ALDH18A1: variants seen among roughly 807,000 people sequenced by gnomAD.
The protein encoded by ALDH18A1 is aldehyde dehydrogenase 18 family member A1.
A neutral mutation model predicts 88.8 loss-of-function variants in ALDH18A1; 44 were observed. The ratio of observed to expected loss-of-function variants is 0.50; its 90% CI spans 0.39 to 0.64. The LOEUF (loss-of-function observed/expected upper bound fraction) is 0.64, where lower values mean the gene tolerates loss of function less well. Ranked by LOEUF, ALDH18A1 falls within the 30% of genes least tolerant of loss-of-function variation. The pLI is 0.00. For synonymous variants in ALDH18A1, 331 were observed against 372.1 expected (o/e 0.89, Z 1.27); for missense variants, 782 against 1,009.5 (o/e 0.77, Z 3.05).
chr10:95,651,340 A>G (rs760875668), intron 2 of ALDH18A1, among the ~76,000 whole-genome samples: 3 of 152,224 alleles, frequency 2.0e-5, no homozygotes, highest in African/African-American at 4.8e-5. Context: ...GATGCAGAGA[A>G]AGTGCATCAC....
intron 17 of ALDH18A1, among the ~76,000 whole-genome samples, chr10:95,609,753 C>A (rs2097829609): frequency 6.8e-6 from 1 of 146,732 alleles, no homozygotes; most frequent in Non-Finnish European, 1.5e-5. Flanking sequence ...TCCTACCTTG[C>A]CAGAAGTCTG....
chr10:95,638,764 T>G (rs2097885853), intron 3 of ALDH18A1, among the ~76,000 whole-genome samples: 1 of 152,174 alleles, frequency 6.6e-6, no homozygotes, highest in Non-Finnish European at 1.5e-5. Context: ...AGACTCAAGA[T>G]GTAATAAAGT....
intron 3 of ALDH18A1, 70 bp from the exon 4 acceptor site, chr10:95,637,506 GA>G (rs2097883131): frequency 8.9e-6 from 14 of 1,566,126 alleles, no homozygotes; most frequent in Non-Finnish European, 9.6e-6. Context: ...ACAAGGGATG[GA>G]GGTAGGGTGG....
At chr10:95,607,853 C>T (rs1377492023) in intron 17 of ALDH18A1, among the ~76,000 whole-genome samples, 2 of 152,060 alleles carry the variant, frequency 1.3e-5, no homozygotes, top group East Asian at 3.9e-4. Flanking sequence ...GACAGAGGTG[C>T]TGCAGGCAGA....
At chr10:95,617,641 A>T (rs1383818759) in intron 12 of ALDH18A1, among the ~76,000 whole-genome samples, 2 of 152,226 alleles carry the variant, frequency 1.3e-5, no homozygotes, top group Non-Finnish European at 2.9e-5. Flanking sequence ...AAGTTAAGTA[A>T]ACTTTCTCCA....
At chr10:95,607,752 C>T (rs1004924476) in intron 17 of ALDH18A1, among the ~76,000 whole-genome samples, 3 of 152,074 alleles carry the variant, frequency 2.0e-5, no homozygotes, top group Admixed American at 1.3e-4. Flanking sequence ...GCTGGGGACA[C>T]GCTGGGTAGG....
chr10:95,614,246 A>G, intron 13 of ALDH18A1, 85 bp from the exon 14 acceptor site: 1 of 1,367,812 alleles, frequency 7.3e-7, no homozygotes, highest in South Asian at 1.2e-5. Context: ...ACAGATAAAC[A>G]TCTGTACACT....
At position 95,645,387 on chromosome 10, in the gene ALDH18A1, C is replaced by T. The variant is rs149677753; in HGVS notation, c.89-2181G>A. Among the ~76,000 whole-genome samples, 487 of 152,278 alleles carry T rather than the reference C, an allele frequency of 3.2e-3. 3 individuals are homozygous for T. The highest frequency in any genetic ancestry group is 0.011 in the African/African-American group (440 of 41,552). The stretch of plus-strand genomic sequence containing the variant: ...CTTCACTTGAACCACTATCACTTCC[C>T]TTTATATTGTCTGTCTATAAATTAC... On this transcript the variant is annotated intron_variant, in intron 2 of 17. Coordinates refer to ENST00000371224, the MANE Select transcript of ALDH18A1 (RefSeq NM_002860.4).
At chr10:95,647,802 A>G (rs2097903629) in intron 2 of ALDH18A1, among the ~76,000 whole-genome samples, 1 of 152,218 alleles carries the variant, frequency 6.6e-6, no homozygotes, top group Non-Finnish European at 1.5e-5. Flanking sequence ...CCCATGCTTC[A>G]ATCATGCCTA....
In ALDH18A1 at chr10:95,628,491, G is replaced by C. The variant is rs1317039662; in HGVS notation, c.810C>G (p.Gly270=). 1.2e-6 allele frequency: 2 copies of C among 1,612,886 alleles called. No individual in the cohort carries two copies. The highest frequency in any genetic ancestry group is 4.5e-5 in the East Asian group (2 of 44,874). Residue 270 remains glycine, a splice_region_variant and synonymous_variant, in exon 8 of 18, where the codon GGC becomes GGG. Transcript: ENST00000371224. ...DLLIVLSDVE[G]LFDSPPGSDD... ...CTGAACCTGGGGGGCTGTCAAAAAGGCCTAAAAAATAGACAAGAGTCAGTA... is the reference window on the plus strand; with the variant it reads ...CTGAACCTGGGGGGCTGTCAAAAAGCCCTAAAAAATAGACAAGAGTCAGTA...
intron 5 of ALDH18A1, among the ~76,000 whole-genome samples, chr10:95,634,361 C>G (rs943173842): frequency 6.6e-6 from 1 of 152,210 alleles, no homozygotes; most frequent in African/African-American, 2.4e-5. Context: ...ACCTCAGCCT[C>G]CTGAGTAACT....
chr10:95,625,260 A>C, intron 11 of ALDH18A1, 102 bp downstream of exon 11: 2 of 999,918 alleles, frequency 2.0e-6, no homozygotes, highest in South Asian at 2.6e-5. Flanking sequence ...TCTTTTATAA[A>C]AATCCTTATC....
intron 5 of ALDH18A1, among the ~76,000 whole-genome samples, chr10:95,636,488 G>A (rs1933164): frequency 0.13 from 20,035 of 152,108 alleles, 1,928 homozygotes; most frequent in East Asian, 0.49. Flanking sequence ...AACATTTAGG[G>A]GTAGCCACCA....
intron 13 of ALDH18A1, 146 bp downstream of exon 13, chr10:95,616,331 A>G (rs1191311381): frequency 2.6e-6 from 3 of 1,164,130 alleles, no homozygotes; most frequent in South Asian, 1.4e-5. Flanking sequence ...AGAATGGCCT[A>G]AAGTCTGAAG....
chr10:95,617,106 G>A (rs562945754), intron 12 of ALDH18A1, among the ~76,000 whole-genome samples: 39 of 152,288 alleles, frequency 2.6e-4, no homozygotes, highest in Non-Finnish European at 4.9e-4. Flanking sequence ...AATTAGCCGG[G>A]CATGGTGGCA....
chr10:95,652,660 G>A (rs1474247136), intron 2 of ALDH18A1, among the ~76,000 whole-genome samples: 1 of 151,638 alleles, frequency 6.6e-6, no homozygotes, highest in East Asian at 2.0e-4. Flanking sequence ...GCTTGAACCT[G>A]GGAAGCAGAG....
intron 8 of ALDH18A1, 86 bp from the exon 9 acceptor site, chr10:95,627,672 G>C: frequency 6.6e-7 from 1 of 1,509,058 alleles, no homozygotes; most frequent in Non-Finnish European, 9.2e-7. Flanking sequence ...TAAAATACAA[G>C]TTGATATTGA....
chr10:95,652,609 C>A (rs2097912058), intron 2 of ALDH18A1, among the ~76,000 whole-genome samples: 1 of 152,036 alleles, frequency 6.6e-6, no homozygotes, highest in Non-Finnish European at 1.5e-5. Flanking sequence ...GTGATGCACA[C>A]CTGTAATCCC....
intron 9 of ALDH18A1, 31 bp downstream of exon 9, chr10:95,627,411 A>G: frequency 6.2e-7 from 1 of 1,613,666 alleles, no homozygotes; most frequent in Non-Finnish European, 8.5e-7. Context: ...TTCCCATCAC[A>G]GGCCTTGGGA....
Sources: gnomAD v4.1 joint callset for allele counts (sites outside exome capture counted in the v4.1 genomes callset) on GRCh38, gnomAD v4.1.1 for gene constraint, MANE v1.5 for transcripts, NCBI Gene and HGNC (gene_info 2026-07-23, HGNC 2026-07-21) for gene names.